Variants in NCKAP5 observed in about 807,000 individuals in gnomAD.
NCKAP5 encodes the protein nck-associated protein 5.
In NCKAP5, 92 loss-of-function variants were observed where a neutral mutation model predicts 167.0. The ratio of observed to expected loss-of-function variants is 0.55; its 90% CI spans 0.47 to 0.66. NCKAP5 has a LOEUF of 0.66. NCKAP5 is among the 30% of genes least tolerant of loss of function. NCKAP5 has a pLI of 0.00. For missense variants in NCKAP5, 2,378 were observed against 2,315.0 expected (o/e 1.03, Z -0.56); for synonymous variants, 891 against 877.4 (o/e 1.02, Z -0.27).
intron 3 of NCKAP5, among the ~76,000 whole-genome samples, chr2:133,409,195 T>C (rs950960544): frequency 3.9e-5 from 6 of 152,138 alleles, no homozygotes; most frequent in Non-Finnish European, 8.8e-5. Context: ...AGACCAGATT[T>C]CCCTACACAT....
chr2:133,574,266 G>A, the NCKAP5 span, among the ~76,000 whole-genome samples: 2 of 152,134 alleles, frequency 1.3e-5, no homozygotes, highest in Non-Finnish European at 2.9e-5. Context: ...ACGCATAATA[G>A]CCCCTGACCC....
chr2:132,966,826 C>T (rs976656945), intron 7 of NCKAP5, among the ~76,000 whole-genome samples: 1 of 152,078 alleles, frequency 6.6e-6, no homozygotes, highest in African/African-American at 2.4e-5. Context: ...TTAGGAACAC[C>T]AGACAGCACT....
chr2:133,412,207 T>C (rs903021243), intron 3 of NCKAP5, among the ~76,000 whole-genome samples: 1 of 152,104 alleles, frequency 6.6e-6, no homozygotes, highest in Non-Finnish European at 1.5e-5. Context: ...TTAGTGTCCT[T>C]ATAGAAAGGG....
intron 3 of NCKAP5, among the ~76,000 whole-genome samples, chr2:133,446,547 G>A (rs1013007802): frequency 6.6e-6 from 1 of 152,142 alleles, no homozygotes; most frequent in Admixed American, 6.5e-5. Context: ...TCACACAGCT[G>A]GTAAGTGAGG....
chr2:132,755,857 T>TAATAATAAC (rs1574093840), intron 16 of NCKAP5, among the ~76,000 whole-genome samples: 1 of 134,776 alleles, frequency 7.4e-6, no homozygotes, highest in Admixed American at 7.2e-5. Context: ...AATGGCAAAA[T>TAATAATAAC]AATAATAATA....
At chr2:133,246,557 G>C (rs1234634464) in intron 4 of NCKAP5, among the ~76,000 whole-genome samples, 1 of 152,184 alleles carries the variant, frequency 6.6e-6, no homozygotes, top group Admixed American at 6.5e-5. Context: ...ACATGGTGTG[G>C]GCAACGTAAG....
intron 19 of NCKAP5, among the ~76,000 whole-genome samples, chr2:132,695,428 C>T (rs1295152429): frequency 6.6e-6 from 1 of 152,130 alleles, no homozygotes; most frequent in Non-Finnish European, 1.5e-5. Flanking sequence ...TGTCAGAGCC[C>T]ATGCTGTCCT....
chr2:132,919,038 T>C (rs191703129), intron 8 of NCKAP5, among the ~76,000 whole-genome samples: 9 of 152,352 alleles, frequency 5.9e-5, no homozygotes, highest in Middle Eastern at 3.4e-3. Context: ...ATTGTTTCAT[T>C]TCATGGACCT....
chr2:132,710,464 T>C (rs1270657610), intron 19 of NCKAP5, among the ~76,000 whole-genome samples: 4 of 152,200 alleles, frequency 2.6e-5, no homozygotes, highest in African/African-American at 7.2e-5. Flanking sequence ...TTAAAACAGA[T>C]GTTCTTAAAC....
chr2:132,794,766 T>C (rs944759668), intron 12 of NCKAP5, among the ~76,000 whole-genome samples: 1 of 152,054 alleles, frequency 6.6e-6, no homozygotes, highest in Non-Finnish European at 1.5e-5. Context: ...CTTCCTGATA[T>C]CCTATAATTC....
At chr2:132,807,366 A>G (rs894207491) in intron 11 of NCKAP5, among the ~76,000 whole-genome samples, 1 of 152,096 alleles carries the variant, frequency 6.6e-6, no homozygotes, top group African/African-American at 2.4e-5. Context: ...TCATTTTCAC[A>G]ATATTGATTC....
At chr2:133,009,962 T>C (rs2078097634) in intron 6 of NCKAP5, among the ~76,000 whole-genome samples, 1 of 151,736 alleles carries the variant, frequency 6.6e-6, no homozygotes, top group African/African-American at 2.4e-5. Flanking sequence ...TCCCAGCTAC[T>C]CAGGAGGCTG....
chr2:132,786,758 TG>T (rs1683606782), intron 13 of NCKAP5, among the ~76,000 whole-genome samples: 1 of 152,172 alleles, frequency 6.6e-6, no homozygotes, highest in South Asian at 2.1e-4. Context: ...GACTCATTGT[TG>T]GGTCTGTTGG....
At chr2:132,706,279 A>G (rs990927024) in intron 19 of NCKAP5, among the ~76,000 whole-genome samples, 1 of 152,154 alleles carries the variant, frequency 6.6e-6, no homozygotes, top group African/African-American at 2.4e-5. Context: ...AGGACTAAGA[A>G]AGCCCTTGAC....
chr2:133,631,735 C>T, the NCKAP5 span, among the ~76,000 whole-genome samples: 1 of 152,128 alleles, frequency 6.6e-6, no homozygotes, highest in Non-Finnish European at 1.5e-5. Flanking sequence ...GTAGACTAGT[C>T]CCCTGCAGAC....
At chr2:132,777,981 G>T (rs1280345776) in intron 15 of NCKAP5, among the ~76,000 whole-genome samples, 1 of 151,956 alleles carries the variant, frequency 6.6e-6, no homozygotes, top group Non-Finnish European at 1.5e-5. Flanking sequence ...TTTTGTTAAT[G>T]ATTTTTATTT....
chr2:133,266,892 T>C (rs1442759358), intron 4 of NCKAP5, among the ~76,000 whole-genome samples: 1 of 152,142 alleles, frequency 6.6e-6, no homozygotes, highest in East Asian at 1.9e-4. Context: ...CGGCTCGGCT[T>C]GCGCTCTGAT....
intron 6 of NCKAP5, among the ~76,000 whole-genome samples, chr2:133,126,308 C>T (rs1393213046): frequency 3.9e-5 from 6 of 152,230 alleles, no homozygotes; most frequent in Non-Finnish European, 8.8e-5. Context: ...CAATAAAACA[C>T]ATCACCCAGC....
At chr2:132,920,087 A>T (rs185184108) in intron 8 of NCKAP5, among the ~76,000 whole-genome samples, 3 of 152,144 alleles carry the variant, frequency 2.0e-5, no homozygotes, top group African/African-American at 4.8e-5. Context: ...TGACTGGACC[A>T]CCAGGACCCA....
Sources: allele counts gnomAD v4.1 joint callset (sites outside exome capture counted in the v4.1 genomes callset), GRCh38; gene constraint gnomAD v4.1.1; transcripts MANE v1.5; gene names NCBI Gene and HGNC (gene_info 2026-07-23, HGNC 2026-07-21).